DPP10: variants seen among roughly 807,000 people sequenced by gnomAD.
DPP10 encodes dipeptidyl peptidase like 10.
DPP10 carries 33 observed loss-of-function variants against 120.9 expected under a neutral mutation model. That is an observed-to-expected ratio of 0.27 (90% CI 0.21 to 0.37). The LOEUF is 0.37. Ranked by LOEUF, DPP10 falls within the 10% of genes least tolerant of loss-of-function variation. The pLI is 1.00. For missense variants in DPP10, 816 were observed against 942.8 expected (o/e 0.87, Z 1.76); for synonymous variants, 337 against 326.1 (o/e 1.03, Z -0.36).
intron 3 of DPP10, among the ~76,000 whole-genome samples, chr2:115,353,100 GATCC>G (rs2064143051): frequency 6.6e-6 from 1 of 152,018 alleles, no homozygotes; most frequent in African/African-American, 2.4e-5. Context: ...ATAATTAGGT[GATCC>G]ATTTCTGGGT....
chr2:115,094,700 A>G (rs1416941853), intron 1 of DPP10, among the ~76,000 whole-genome samples: 1 of 152,200 alleles, frequency 6.6e-6, no homozygotes, highest in Non-Finnish European at 1.5e-5. Context: ...AATTACCCAC[A>G]CAAGTAATTT....
At chr2:115,289,196 T>TG (rs1481835116) in intron 1 of DPP10, among the ~76,000 whole-genome samples, 1 of 151,736 alleles carries the variant, frequency 6.6e-6, no homozygotes, top group African/African-American at 2.4e-5. Context: ...TTATAATAAC[T>TG]GGAAAAAAAT....
chr2:114,462,084 A>G lies in DPP10; in HGVS notation c.60+19246A>G, dbSNP rs10208795. 33,949 of 984,866 alleles carry G rather than the reference A, an allele frequency of 0.034. 1,150 individuals are homozygous for G. Among genetic ancestry groups the G allele is most frequent in the African/African-American group, 0.16 (9,185 of 57,250 alleles). 61.0% of individuals were successfully genotyped at this position (984,866 alleles called of 1,614,324 possible). A position where few individuals can be genotyped will look rare whatever the true frequency, so the allele number is the denominator to read the frequency against. ...ATCAAGAAAGGGCTTCACCAGGATGATCAATGCAAATGGATATGGAGCTTT... is the reference window on the plus strand; with the variant it reads ...ATCAAGAAAGGGCTTCACCAGGATGGTCAATGCAAATGGATATGGAGCTTT... On this transcript the variant is annotated intron_variant, in intron 1 of 25. Transcript: ENST00000410059.
At chr2:114,883,294 G>A (rs186418779) in intron 1 of DPP10, among the ~76,000 whole-genome samples, 1 of 152,164 alleles carries the variant, frequency 6.6e-6, no homozygotes, top group African/African-American at 2.4e-5. Flanking sequence ...CTTATAGTCT[G>A]TAGTCACAGG....
intron 1 of DPP10, among the ~76,000 whole-genome samples, chr2:115,166,978 G>A (rs1431526897): frequency 1.3e-5 from 2 of 152,162 alleles, no homozygotes; most frequent in Non-Finnish European, 2.9e-5. Flanking sequence ...GAGATTTTGT[G>A]CTATCAACAA....
chr2:114,821,879 C>T (rs1044527028), intron 1 of DPP10, among the ~76,000 whole-genome samples: 1 of 152,192 alleles, frequency 6.6e-6, no homozygotes, highest in Admixed American at 6.5e-5. Flanking sequence ...TAGGCAGCTC[C>T]ACCCCTGTGG....
rs1186198648 is a variant in DPP10 at position 114,565,214 on chromosome 2, G to C, written c.60+122376G>C. ...CTATCTCCTTAGCCTTAGTGGACTA[G>C]AGCATTAGCTCTTGTATTTTCTTTT... is the stretch of plus-strand genomic sequence containing the variant. On this transcript the variant is annotated intron_variant, in intron 1 of 25. Transcript: ENST00000410059. 2.0e-5 allele frequency among the ~76,000 whole-genome samples: 3 copies of C among 152,194 alleles called. No individual in the cohort carries two copies. The East Asian group carries it at 5.8e-4, about 29-fold the overall frequency.
chr2:114,529,324 C>T (rs1471180252), intron 1 of DPP10, among the ~76,000 whole-genome samples: 2 of 152,140 alleles, frequency 1.3e-5, no homozygotes, highest in Non-Finnish European at 1.5e-5. Flanking sequence ...CTCATGTTGC[C>T]CACTTCAAAA....
At chr2:114,690,387 G>A (rs1322556243) in intron 1 of DPP10, among the ~76,000 whole-genome samples, 1 of 151,924 alleles carries the variant, frequency 6.6e-6, no homozygotes, top group Non-Finnish European at 1.5e-5. Flanking sequence ...AATATCAGAT[G>A]GGTGTAGGTG....
chr2:114,653,398 G>A (rs761716804), intron 1 of DPP10, among the ~76,000 whole-genome samples: 26 of 152,130 alleles, frequency 1.7e-4, no homozygotes, highest in East Asian at 3.9e-4. Context: ...TGTGGAAACC[G>A]ATTTTGGACT....
chr2:115,382,980 G>A (rs1244846616), intron 3 of DPP10, among the ~76,000 whole-genome samples: 1 of 152,278 alleles, frequency 6.6e-6, no homozygotes, highest in East Asian at 1.9e-4. Flanking sequence ...TCTGCACAGG[G>A]GGTGCCATAC....
At chr2:115,424,187 G>T (rs1260774612) in intron 3 of DPP10, among the ~76,000 whole-genome samples, 1 of 152,052 alleles carries the variant, frequency 6.6e-6, no homozygotes, top group Non-Finnish European at 1.5e-5. Context: ...GTTAAAAACA[G>T]TTCCAAGTGT....
At chr2:114,731,815 G>T (rs1158926221) in intron 1 of DPP10, among the ~76,000 whole-genome samples, 1 of 152,122 alleles carries the variant, frequency 6.6e-6, no homozygotes, top group East Asian at 1.9e-4. Flanking sequence ...AACAGGTTGG[G>T]ATTTCTAATT....
At chr2:115,616,793 G>T (rs1172543553) in intron 5 of DPP10, among the ~76,000 whole-genome samples, 1 of 151,912 alleles carries the variant, frequency 6.6e-6, no homozygotes, top group Non-Finnish European at 1.5e-5. Context: ...AATGCTGATG[G>T]TTTTAATGTG....
chr2:115,215,998 T>C (rs1251800926), intron 1 of DPP10, among the ~76,000 whole-genome samples: 1 of 152,194 alleles, frequency 6.6e-6, no homozygotes, highest in Non-Finnish European at 1.5e-5. Context: ...TTATGTCTTC[T>C]GCAGCACCAT....
intron 1 of DPP10, among the ~76,000 whole-genome samples, chr2:114,773,363 G>T (rs2680928): frequency 8.1e-5 from 4 of 49,088 alleles, no homozygotes; most frequent in Non-Finnish European, 1.6e-4. Context: ...AACTCAGCAG[G>T]CCTGACTTTT....
chr2:114,723,630 C>T (rs773291778), intron 1 of DPP10, among the ~76,000 whole-genome samples: 1 of 152,174 alleles, frequency 6.6e-6, no homozygotes, highest in African/African-American at 2.4e-5. Context: ...GCTTGTGGGA[C>T]AATGATCAGG....
At chr2:115,436,838 A>AT (rs1319804385) in intron 3 of DPP10, among the ~76,000 whole-genome samples, 1 of 151,908 alleles carries the variant, frequency 6.6e-6, no homozygotes, top group East Asian at 1.9e-4. Flanking sequence ...TGGGATATAT[A>AT]TATGAGGCAT....
At chr2:114,712,180 C>T (rs540290922) in intron 1 of DPP10, among the ~76,000 whole-genome samples, 8 of 152,044 alleles carry the variant, frequency 5.3e-5, no homozygotes, top group South Asian at 2.1e-4. Context: ...ATCAGCTGGG[C>T]GTGATGGTGC....
Sources: allele counts gnomAD v4.1 joint callset (sites outside exome capture counted in the v4.1 genomes callset), GRCh38; gene constraint gnomAD v4.1.1; transcripts MANE v1.5; gene names NCBI Gene and HGNC (gene_info 2026-07-23, HGNC 2026-07-21).